TBC1D1: variants seen among roughly 807,000 people sequenced by gnomAD.
The protein encoded by TBC1D1 is TBC1 domain family member 1, also known as TBC1 (tre-2/USP6, BUB2, cdc16) domain family, member 1.
In TBC1D1, 89 loss-of-function variants were observed where a neutral mutation model predicts 125.6. The ratio of observed to expected loss-of-function variants is 0.71; its 90% CI spans 0.60 to 0.85. TBC1D1 has a LOEUF of 0.85. TBC1D1 is among the 40% of genes least tolerant of loss of function. The pLI, the probability that TBC1D1 is intolerant of heterozygous loss-of-function variation, is 0.00. For synonymous variants in TBC1D1, 565 were observed against 564.1 expected (o/e 1.00, Z -0.02); for missense variants, 1,377 against 1,469.2 (o/e 0.94, Z 1.03).
chr4:38,055,228 A>C (rs528330925), intron 12 of TBC1D1, among the ~76,000 whole-genome samples: 1 of 152,144 alleles, frequency 6.6e-6, no homozygotes, highest in Admixed American at 6.5e-5. Flanking sequence ...TTGCTGGTGC[A>C]TATCTGGAAA....
rs186024901 is a variant in TBC1D1, at chr4:37,947,573, G to T, written c.417+45061G>T. Among the ~76,000 whole-genome samples, 421 of 152,194 alleles carry T rather than the reference G, an allele frequency of 2.8e-3. 3 individuals are homozygous for T. Among genetic ancestry groups the T allele is most frequent in the Non-Finnish European group, 4.7e-3 (321 of 68,024 alleles). On this transcript the variant is annotated intron_variant, in intron 2 of 19. Transcript: ENST00000261439. The stretch of plus-strand genomic sequence containing the variant: ...CCTCCTGGGCTCAAGCAATCCTCCT[G>T]TCCCAACCTCCCCAGGTTACACCAG...
chr4:37,917,509 A>G (rs908721351), intron 2 of TBC1D1, among the ~76,000 whole-genome samples: 23 of 152,286 alleles, frequency 1.5e-4, no homozygotes, highest in African/African-American at 5.5e-4. Flanking sequence ...TTGTGTAAAC[A>G]CTATTTGTGA....
intron 8 of TBC1D1, among the ~76,000 whole-genome samples, chr4:38,039,653 A>G (rs1250173823): frequency 6.6e-6 from 1 of 152,224 alleles, no homozygotes; most frequent in African/African-American, 2.4e-5. Flanking sequence ...ACATTGTGCC[A>G]GCCTGGGATG....
At chr4:37,978,901 A>C (rs1304699902) in intron 2 of TBC1D1, among the ~76,000 whole-genome samples, 2 of 152,142 alleles carry the variant, frequency 1.3e-5, no homozygotes, top group Non-Finnish European at 2.9e-5. Flanking sequence ...TTTGAGACAG[A>C]GTCTTACTCT....
intron 15 of TBC1D1, among the ~76,000 whole-genome samples, chr4:38,108,085 A>G (rs1259834910): frequency 6.6e-6 from 1 of 152,066 alleles, no homozygotes; most frequent in Non-Finnish European, 1.5e-5. Flanking sequence ...GCCCTCAGAC[A>G]ATTGCCACTG....
chr4:38,065,335 C>T (rs1417798181), intron 12 of TBC1D1, among the ~76,000 whole-genome samples: 1 of 152,140 alleles, frequency 6.6e-6, no homozygotes, highest in Non-Finnish European at 1.5e-5. Context: ...TACTGGGTTA[C>T]GCCCCCAAAT....
chr4:38,091,034 G>A (rs1758334093), intron 13 of TBC1D1, among the ~76,000 whole-genome samples: 2 of 152,200 alleles, frequency 1.3e-5, no homozygotes, highest in African/African-American at 4.8e-5. Context: ...AGTTTCAGTT[G>A]CATAGCTAGT....
chr4:38,011,150 A>T (rs1283065688), intron 2 of TBC1D1, among the ~76,000 whole-genome samples: 2 of 152,106 alleles, frequency 1.3e-5, no homozygotes, highest in Non-Finnish European at 2.9e-5. Context: ...TCAGGAGTTC[A>T]AGACCAGCCT....
In TBC1D1 at chr4:38,014,765, A is replaced by G. The variant is rs752876991; in HGVS notation, c.674A>G (p.Gln225Arg). 7.8e-6 allele frequency: 11 copies of G among 1,405,666 alleles called. No individual in the cohort carries two copies. Among genetic ancestry groups the G allele is most frequent in the Non-Finnish European group, 9.7e-6 (10 of 1,035,554 alleles). 87.1% of individuals were successfully genotyped at this position (1,405,666 alleles called of 1,614,324 possible). A position where few individuals can be genotyped will look rare whatever the true frequency, so the allele number is the denominator to read the frequency against. Residue 225 changes from glutamine to arginine, a missense_variant, in exon 3 of 20, where the codon CAG becomes CGG. Gln to Arg is a conservative substitution (Grantham distance 43). This residue lies in a region of TBC1D1 where 822 missense variants were observed against 824.6 expected (regional missense o/e 1.00). Transcript: ENST00000261439. This position sits in a 1 kb window ranked among gnomAD's most constrained non-coding sequence, Gnocchi z 5.1. ...CCCCATGCCGCGCCCACAGGGAGCC[A>G]GGAGCCTGTGCGCAGGCCCATGCGC... is the stretch of plus-strand genomic sequence containing the variant.
intron 2 of TBC1D1, among the ~76,000 whole-genome samples, chr4:37,905,504 T>C (rs1166509465): frequency 2.0e-5 from 3 of 152,176 alleles, no homozygotes; most frequent in African/African-American, 7.2e-5. Flanking sequence ...TGATTTCCCA[T>C]GGAAACTCTT....
In TBC1D1 at chr4:38,014,214, G is replaced by T. The variant is rs1742117435; in HGVS notation, c.418-295G>T. Among the ~76,000 whole-genome samples the T allele has an allele frequency of 6.6e-6, 1 of 152,216 alleles. No homozygotes were observed. The highest frequency in any genetic ancestry group is 2.4e-5 in the African/African-American group (1 of 41,456). ...TTGGGCTGTGTGTGTTCCCGGGCTG[G>T]TGGTTTAACCTTGCAGGGTGCTGTG... On this transcript the variant is annotated intron_variant, in intron 2 of 19. Transcript: ENST00000261439. This position sits in a 1 kb window ranked among gnomAD's most constrained non-coding sequence, Gnocchi z 5.1.
In TBC1D1 at chr4:38,095,685, A is replaced by G. The variant is rs116336992; in HGVS notation, c.2237-244A>G. Among the ~76,000 whole-genome samples the G allele has an allele frequency of 8.6e-3, 1,315 of 152,318 alleles. 22 individuals are homozygous for G. The highest frequency in any genetic ancestry group is 0.03 in the African/African-American group (1,251 of 41,546). Reference sequence around the variant, plus strand: ...GGGCAGATGTGGATTATGTCTTAGCAGTAGAGCCAACAGAGTATGTTGGGG... The same window carrying G: ...GGGCAGATGTGGATTATGTCTTAGCGGTAGAGCCAACAGAGTATGTTGGGG... On this transcript the variant is annotated intron_variant, in intron 13 of 19. Transcript: ENST00000261439.
intron 2 of TBC1D1, among the ~76,000 whole-genome samples, chr4:37,973,195 G>A (rs1306338138): frequency 6.6e-6 from 1 of 152,124 alleles, no homozygotes; most frequent in Non-Finnish European, 1.5e-5. Context: ...AGGAAGACTT[G>A]GATCAGAGAA....
intron 2 of TBC1D1, among the ~76,000 whole-genome samples, chr4:37,935,151 T>A (rs1284514787): frequency 6.6e-6 from 1 of 152,186 alleles, no homozygotes. Flanking sequence ...TCCCCAGAAA[T>A]GAGCAATGAG....
intron 12 of TBC1D1, among the ~76,000 whole-genome samples, chr4:38,058,958 G>A (rs1007083225): frequency 1.3e-5 from 2 of 152,224 alleles, no homozygotes; most frequent in Non-Finnish European, 2.9e-5. Context: ...ACAGTGGATA[G>A]AGGTGGATAG....
rs140419305 is a variant in TBC1D1, at chr4:37,902,393, C to T, written c.298C>T (p.Arg100Cys). Residue 100 changes from arginine (R) to cysteine (C), a missense_variant, in exon 2 of 20, where the codon CGT (arginine) becomes TGT (cysteine). Physicochemically the swap from Arg to Cys is radical, Grantham distance 180. This residue lies in a region of TBC1D1 where 822 missense variants were observed against 824.6 expected (regional missense o/e 1.00). Transcript: ENST00000261439. ...CAGCATCTTTGAGTGCAAGCCTCAG[C>T]GTGTTCACAAACTGATTCACAACAG... is the stretch of plus-strand genomic sequence containing the variant. The T allele has an allele frequency of 1.7e-5, 27 of 1,614,032 alleles. No homozygotes were observed. Among genetic ancestry groups the T allele is most frequent in the Non-Finnish European group, 2.2e-5 (26 of 1,180,030 alleles).
intron 15 of TBC1D1, among the ~76,000 whole-genome samples, chr4:38,107,641 T>C (rs1380886433): frequency 7.8e-6 from 1 of 128,162 alleles, no homozygotes; most frequent in Non-Finnish European, 1.6e-5. Context: ...ATAATAGGCC[T>C]CATGGCTGGG....
Position 38,115,940 on chromosome 4 carries a change from A to G in TBC1D1, c.2788A>G (p.Met930Val), listed in dbSNP as rs747589201. 4.3e-6 allele frequency: 7 copies of G among 1,614,178 alleles called. No homozygotes were observed. The highest frequency in any genetic ancestry group is 1.7e-4 in the Middle Eastern group (1 of 6,058). ...GCTGCGGAAACAGTATCGGCCAGAC[A>G]TGATTATTTTACAGGTATAGAGTGT... Residue 930 changes from methionine to valine, a missense_variant, in exon 16 of 20, where the codon ATG (methionine) becomes GTG (valine). Around this residue, in one of 3 missense-constraint regions of TBC1D1, gnomAD observed 543 missense variants for 613.5 expected, o/e 0.89. Transcript: ENST00000261439.
At chr4:38,021,504 T>G in intron 5 of TBC1D1, 82 bp from the exon 6 acceptor site, 1 of 1,316,714 alleles carries the variant, frequency 7.6e-7, no homozygotes, top group East Asian at 2.8e-5. Context: ...AAAAAATCTT[T>G]TCCAAAGATT....
Sources: allele counts gnomAD v4.1 joint callset (sites outside exome capture counted in the v4.1 genomes callset), GRCh38; gene constraint gnomAD v4.1.1; regional missense constraint gnomAD v4.1.1; non-coding constraint Gnocchi (gnomAD v3.1); transcripts MANE v1.5; gene names NCBI Gene and HGNC (gene_info 2026-07-23, HGNC 2026-07-21).